EMX1: variants seen among roughly 807,000 people sequenced by gnomAD.
EMX1 encodes empty spiracles homeobox 1.
EMX1 carries 10 observed loss-of-function variants against 20.1 expected under a neutral mutation model. The observed-to-expected ratio is 0.50, with a 90% CI of 0.31 to 0.84. The LOEUF (loss-of-function observed/expected upper bound fraction) is 0.84. EMX1 is among the 40% of genes least tolerant of loss of function. The pLI is 0.05. For missense variants in EMX1, 424 were observed against 431.9 expected, an observed-to-expected ratio of 0.98 and a Z score of 0.16; for synonymous variants, 250 against 200.4, an observed-to-expected ratio of 1.25 and a Z score of -2.09.
At chr2:72,921,525 T>C (rs566730632) in intron 1 of EMX1, among the ~76,000 whole-genome samples, 12 of 152,316 alleles carry the variant, frequency 7.9e-5, no homozygotes, top group South Asian at 4.1e-4. Context: ...ATCACCCTTG[T>C]CTTTGCAGAA....
intron 1 of EMX1, among the ~76,000 whole-genome samples, chr2:72,921,012 CT>C (rs1433751483): frequency 1.3e-5 from 2 of 152,188 alleles, no homozygotes; most frequent in Non-Finnish European, 2.9e-5. Context: ...TGTCCTGCCT[CT>C]CCCTCTCCTA....
chr2:72,916,342 C>G, upstream of EMX1: 1 of 336,650 alleles, frequency 3.0e-6, no homozygotes. Flanking sequence ...GCGCTCAGGC[C>G]GCTAGAATGG....
chr2:72,918,444 G>C (rs781619262), intron 1 of EMX1, 72 bp downstream of exon 1: 1 of 1,346,534 alleles, frequency 7.4e-7, no homozygotes, highest in Non-Finnish European at 9.5e-7. Context: ...GGGAGGCTCG[G>C]GGGCGCGCGG....
chr2:72,917,298 C>T (rs1013741522), upstream of EMX1, among the ~76,000 whole-genome samples: 8 of 52 alleles, frequency 0.15, no homozygotes, highest in Non-Finnish European at 0.2. Flanking sequence ...GTTGAGACGG[C>T]GGCACGGCCA....
chr2:72,922,316 CAG>C (rs1266920641), intron 1 of EMX1, among the ~76,000 whole-genome samples: 1 of 152,256 alleles, frequency 6.6e-6, no homozygotes. Flanking sequence ...GGCCCCACCC[CAG>C]AGACTTTAAT....
chr2:72,919,047 C>G (rs981299298), intron 1 of EMX1, among the ~76,000 whole-genome samples: 2 of 152,208 alleles, frequency 1.3e-5, no homozygotes, highest in Non-Finnish European at 2.9e-5. Context: ...GGAGCCCACC[C>G]GGCTGCTGGA....
intron 2 of EMX1, among the ~76,000 whole-genome samples, chr2:72,926,725 C>T (rs1275894844): frequency 6.6e-6 from 1 of 152,202 alleles, no homozygotes; most frequent in Non-Finnish European, 1.5e-5. Context: ...ATCCCCATCC[C>T]TAGTCCCTTC....
chr2:72,924,176 T>TGC, intron 1 of EMX1, 133 bp from the exon 2 acceptor site: 2 of 1,103,700 alleles, frequency 1.8e-6, no homozygotes, highest in Non-Finnish European at 2.6e-6. Flanking sequence ...GGCGTGTGTG[T>TGC]GCGTGTCAAG....
At chr2:72,922,880 A>G (rs1299369407) in intron 1 of EMX1, among the ~76,000 whole-genome samples, 3 of 152,264 alleles carry the variant, frequency 2.0e-5, no homozygotes, top group African/African-American at 7.2e-5. Flanking sequence ...ATCAAGTCCA[A>G]CCAGTAGCCA....
chr2:72,927,157 T>G (rs1671218819), intron 2 of EMX1, among the ~76,000 whole-genome samples: 2 of 152,262 alleles, frequency 1.3e-5, no homozygotes. Context: ...AGTTATATGT[T>G]CTTCCTAACA....
Position 72,926,865 on chromosome 2 carries a change from T to C in EMX1, c.705+2372T>C, listed in dbSNP as rs113829756. Among the ~76,000 whole-genome samples, 1,468 of 152,278 alleles carry C rather than the reference T, an allele frequency of 9.6e-3. 24 individuals are homozygous for C. Among genetic ancestry groups the C allele is most frequent in the African/African-American group, 0.03 (1,257 of 41,550 alleles). On this transcript the variant is annotated intron_variant, in intron 2 of 2. Transcript: ENST00000258106. ...GCCTTTCTGTTGCCCTCATAACTTA[T>C]CATACGGAGCCAGGCTATATAATTA...
intron 1 of EMX1, among the ~76,000 whole-genome samples, chr2:72,922,798 A>G (rs1559058757): frequency 6.6e-6 from 1 of 152,208 alleles, no homozygotes; most frequent in Non-Finnish European, 1.5e-5. Context: ...TCACTTACAT[A>G]GATGTTTCCA....
rs913883908 is a variant in EMX1 at position 72,925,864 on chromosome 2, A to G, written c.705+1371A>G. On this transcript the variant is annotated intron_variant, in intron 2 of 2. Coordinates refer to ENST00000258106, the MANE Select transcript of EMX1 (RefSeq NM_004097.3). ...TACAAATCGCTCACGGGTCGGAGGC[A>G]GGACCCGTGCGTTTTCAGATGTACT... 8 of 985,454 alleles carry G rather than the reference A, an allele frequency of 8.1e-6. No homozygotes were observed. The South Asian group carries it at 1.9e-4, about 23-fold the overall frequency. 61.0% of individuals were successfully genotyped at this position (985,454 alleles called of 1,614,324 possible).
At chr2:72,916,630 C>T (rs1041814099), upstream of EMX1, 2 of 693,618 alleles carry the variant, frequency 2.9e-6, no homozygotes, top group African/African-American at 3.5e-5. Flanking sequence ...AGGTGAAGGT[C>T]GAGGGAGGTC....
chr2:72,931,717 G>C (rs1172966372), intron 2 of EMX1, among the ~76,000 whole-genome samples: 1 of 152,250 alleles, frequency 6.6e-6, no homozygotes, highest in Non-Finnish European at 1.5e-5. Context: ...TTGGAAATGA[G>C]GGGAGAATCC....
upstream of EMX1, chr2:72,916,505 T>C (rs1248866887): frequency 4.9e-5 from 29 of 596,314 alleles, no homozygotes; most frequent in Non-Finnish European, 7.8e-5. Flanking sequence ...GTGGGAAAGT[T>C]TGGGGAGTCC....
At chr2:72,916,417 C>G (rs1010706035), upstream of EMX1, 6 of 534,158 alleles carry the variant, frequency 1.1e-5, no homozygotes, top group Admixed American at 2.0e-4. Flanking sequence ...CCGGCAAGGT[C>G]CAGGTCCCAG....
chr2:72,925,437 A>G, intron 2 of EMX1: 1 of 1,287,246 alleles, frequency 7.8e-7, no homozygotes, highest in Non-Finnish European at 1.0e-6. Flanking sequence ...TGGTCCACCC[A>G]GGTCCGACGT....
intron 2 of EMX1, among the ~76,000 whole-genome samples, chr2:72,927,165 A>T (rs1671218968): frequency 1.3e-5 from 2 of 152,216 alleles, no homozygotes; most frequent in Non-Finnish European, 2.9e-5. Context: ...GTTCTTCCTA[A>T]CAATAAGAAC....
Sources: allele counts gnomAD v4.1 joint callset (sites outside exome capture counted in the v4.1 genomes callset), GRCh38; gene constraint gnomAD v4.1.1; transcripts MANE v1.5; gene names NCBI Gene and HGNC (gene_info 2026-07-23, HGNC 2026-07-21).